TFIP11: variants seen among roughly 807,000 people sequenced by gnomAD.
TFIP11 encodes the protein tuftelin interacting protein 11, also known as tuftelin-interacting protein 11.
Under a neutral mutation model 96.8 loss-of-function variants are expected in TFIP11, and 86 were observed. The observed-to-expected ratio is 0.89, with a 90% CI of 0.75 to 1.06. TFIP11 has a LOEUF of 1.06. TFIP11 is among the 50% of genes least tolerant of loss of function. The pLI, the probability that TFIP11 is intolerant of heterozygous loss-of-function variation, is 0.00. For missense variants in TFIP11, 881 were observed against 1,076.7 expected (o/e 0.82, Z 2.54); for synonymous variants, 405 against 395.2 (o/e 1.02, Z -0.29).
At chr22:26,495,369 C>T (rs1367972133) in intron 12 of TFIP11, among the ~76,000 whole-genome samples, 5 of 136,288 alleles carry the variant, frequency 3.7e-5, no homozygotes, top group South Asian at 2.4e-4. Context: ...CCTCTGCCTC[C>T]GAGGTTCAAG....
intron 8 of TFIP11, among the ~76,000 whole-genome samples, chr22:26,500,451 G>A (rs1233008124): frequency 1.3e-5 from 2 of 152,184 alleles, no homozygotes; most frequent in Admixed American, 1.3e-4. Context: ...TTACAGGCAT[G>A]AGCCACTGCG....
At chr22:26,503,135 A>C (rs1922989855) in intron 7 of TFIP11, among the ~76,000 whole-genome samples, 1 of 152,166 alleles carries the variant, frequency 6.6e-6, no homozygotes, top group Admixed American at 6.5e-5. Context: ...TCCCTGCTGC[A>C]CTTGGGATGA....
chr22:26,509,593 C>G (rs1053717914), intron 4 of TFIP11, among the ~76,000 whole-genome samples: 1 of 152,176 alleles, frequency 6.6e-6, no homozygotes, highest in Non-Finnish European at 1.5e-5. Flanking sequence ...TGGTGGCTCA[C>G]GCCTGTAATC....
In TFIP11 at chr22:26,499,173, A is replaced by G. The variant is rs1012495895; in HGVS notation, c.1260T>C (p.Arg420=). The change falls in exon 9 of 15, where the codon CGT becomes CGC. Residue 420 remains arginine (R), a synonymous_variant. Coordinates refer to ENST00000407690, the MANE Select transcript of TFIP11 (RefSeq NM_012143.4). ...AGACGATGGCCACAGCAAGGTCCACACGGTCGGACATCCTGTACTCCTCAT... is the reference window on the plus strand; with the variant it reads ...AGACGATGGCCACAGCAAGGTCCACGCGGTCGGACATCCTGTACTCCTCAT... ...KYYEEYRMSD[R]VDLAVAIVYP... 6 of 1,609,236 alleles carry G rather than the reference A, an allele frequency of 3.7e-6. No individual in the cohort carries two copies. In the African/African-American group the frequency reaches 8.0e-5, roughly 21 times the overall value.
At chr22:26,500,429 A>G (rs1175101206) in intron 8 of TFIP11, among the ~76,000 whole-genome samples, 1 of 152,214 alleles carries the variant, frequency 6.6e-6, no homozygotes, top group Non-Finnish European at 1.5e-5. Flanking sequence ...TCAGCCTCCC[A>G]AAATGCTGGG....
In TFIP11 at chr22:26,496,240, G is replaced by C. The variant is rs1475631387; in HGVS notation, c.1682C>G (p.Ala561Gly). The C allele has an allele frequency of 6.2e-7, 1 of 1,613,962 alleles. No homozygotes were observed. The highest frequency in any genetic ancestry group is 1.7e-5 in the Admixed American group (1 of 60,014). The change falls in exon 12 of 15, where the codon GCA becomes GGA. Residue 561 changes from alanine to glycine, a missense_variant. Transcript: ENST00000407690. ...GGGGGAATAGAGTGGCTCCAGCCGTGCCTGCATAAGGGGCAGCCATGGGTG... is the reference window on the plus strand; with the variant it reads ...GGGGGAATAGAGTGGCTCCAGCCGTCCCTGCATAAGGGGCAGCCATGGGTG... ...WIHPWLPLMQ[A>G]RLEPLYSPIR...
intron 8 of TFIP11, among the ~76,000 whole-genome samples, chr22:26,500,251 G>T (rs2147133824): frequency 6.6e-6 from 1 of 152,224 alleles, no homozygotes; most frequent in East Asian, 1.9e-4. Context: ...CTCACTGCAA[G>T]CTCCGCCTCC....
Position 26,499,539 on chromosome 22 carries a change from T to C in TFIP11, c.894A>G (p.Leu298=), listed in dbSNP as rs2147132502. The C allele has an allele frequency of 4.3e-6, 7 of 1,614,218 alleles. No homozygotes were observed. Among genetic ancestry groups the C allele is most frequent in the Non-Finnish European group, 5.9e-6 (7 of 1,180,040 alleles). The stretch of plus-strand genomic sequence containing the variant: ...CAGACTGTGGCAGCTGTTGGGACTG[T>C]AGCGGCAGCCCATCATCGGGAACGT... ...KHNVPDDGLP[L]QSQQLPQSGK... Residue 298 remains leucine, a synonymous_variant, in exon 9 of 15, where the codon CTA becomes CTG. Coordinates refer to ENST00000407690, the MANE Select transcript of TFIP11 (RefSeq NM_012143.4).
chr22:26,496,593 G>C, intron 11 of TFIP11, 128 bp downstream of exon 11: 1 of 1,242,356 alleles, frequency 8.0e-7, no homozygotes, highest in South Asian at 1.5e-5. Context: ...TAACACTATA[G>C]GTCAATAGTT....
intron 4 of TFIP11, among the ~76,000 whole-genome samples, chr22:26,508,188 G>A (rs1923651495): frequency 6.6e-6 from 1 of 152,106 alleles, no homozygotes; most frequent in South Asian, 2.1e-4. Context: ...ACACCCTCAG[G>A]GCAACAACAG....
In TFIP11 at chr22:26,505,487, G is replaced by T. The variant is rs1923285126; in HGVS notation, c.520+816C>A. On this transcript the variant is annotated intron_variant, in intron 6 of 14. Transcript: ENST00000407690. ...GTGAGTAGGGATGGCAAACTCAAATGACTCTGGGACCAAGAAAAGTTCCTG... is the reference window on the plus strand; with the variant it reads ...GTGAGTAGGGATGGCAAACTCAAATTACTCTGGGACCAAGAAAAGTTCCTG... 2.0e-5 allele frequency among the ~76,000 whole-genome samples: 3 copies of T among 152,146 alleles called. No homozygotes were observed. The South Asian group carries it at 6.2e-4, about 32-fold the overall frequency.
chr22:26,494,197 G>A lies in TFIP11; in HGVS notation c.2100C>T (p.Val700=). The stretch of plus-strand genomic sequence containing the variant: ...CAAGTGCCTCATTAAATTTGTCCTT[G>A]ACAGATGGATGTGCCAGCACTTGGT... ...FSDQVLAHPS[V]KDKFNEALDI... is the part of the protein sequence containing the mutation. The change falls in exon 14 of 15, where the codon GTC becomes GTT. Residue 700 remains valine, a synonymous_variant. Transcript: ENST00000407690. 6.2e-7 allele frequency: 1 copy of A among 1,614,204 alleles called. No individual in the cohort carries two copies. The highest frequency in any genetic ancestry group is 8.5e-7 in the Non-Finnish European group (1 of 1,180,044).
rs758506991 is a variant in TFIP11 at position 26,492,272 on chromosome 22, C to G, written c.2255G>C (p.Arg752Pro). 2.5e-6 allele frequency: 4 copies of G among 1,614,214 alleles called. No individual in the cohort carries two copies. The highest frequency in any genetic ancestry group is 8.5e-7 in the Non-Finnish European group (1 of 1,180,042). ...DFQYEAMQER[R>P]EAENMAQRGI... is the part of the protein sequence containing the mutation. Reference sequence around the variant, plus strand: ...CCTCTGAGCCATGTTCTCAGCCTCCCGCCTCTCCTGCATGGCCTCGTACTG... The same window carrying G: ...CCTCTGAGCCATGTTCTCAGCCTCCGGCCTCTCCTGCATGGCCTCGTACTG... The change falls in exon 15 of 15, where the codon CGG becomes CCG. Residue 752 changes from arginine (R) to proline (P), a missense_variant. By Grantham distance (103) the Arg-to-Pro change is moderately radical. Transcript: ENST00000407690.
intron 9 of TFIP11, 40 bp downstream of exon 9, chr22:26,499,064 A>G (rs767590541): frequency 6.2e-7 from 1 of 1,602,280 alleles, no homozygotes; most frequent in Non-Finnish European, 8.5e-7. Flanking sequence ...GGTAAGCCCA[A>G]CCGAGAGGCA....
Position 26,492,329 on chromosome 22 carries a change from T to C in TFIP11, c.2198A>G (p.Tyr733Cys), listed in dbSNP as rs1921312064. ...CTTCCTCCGCTCCGTGTGGGTGAGA[T>C]AGGCAATGTTCTCCCGTGCTCCTGG... The part of the protein sequence containing the change: ...MQPGARENIA[Y>C]LTHTERRKDF... Residue 733 changes from tyrosine to cysteine, a missense_variant, in exon 15 of 15, where the codon TAT becomes TGT. By Grantham distance (194) the Tyr-to-Cys change is radical (BLOSUM62 -2). Transcript: ENST00000407690. 4 of 1,614,026 alleles carry C rather than the reference T, an allele frequency of 2.5e-6. No homozygotes were observed. The highest frequency in any genetic ancestry group is 2.2e-5 in the East Asian group (1 of 44,886).
chr22:26,501,936 C>A lies in TFIP11; in HGVS notation c.765G>T (p.Lys255Asn). The change falls in exon 8 of 15, where the codon AAG becomes AAT. Residue 255 changes from lysine to asparagine, a missense_variant. Coordinates refer to ENST00000407690, the MANE Select transcript of TFIP11 (RefSeq NM_012143.4). Reference protein sequence around the residue: ...ELKAKGRISKKLTAPQKELSQ... With the variant: ...ELKAKGRISKNLTAPQKELSQ... ...AAAGTTCCTTCTGGGGAGCAGTGAG[C>A]TTCTTGCTAATCCTGCCCTTGGCCT... 6.2e-7 allele frequency: 1 copy of A among 1,613,822 alleles called. No individual in the cohort carries two copies. Among genetic ancestry groups the A allele is most frequent in the Non-Finnish European group, 8.5e-7 (1 of 1,179,950 alleles).
At chr22:26,493,881 G>C (rs1002929798) in intron 14 of TFIP11, 2 of 457,672 alleles carry the variant, frequency 4.4e-6, no homozygotes. Context: ...CCTGGGGTTA[G>C]ACTGACATCA....
chr22:26,499,750 G>A, intron 8 of TFIP11, 119 bp from the exon 9 acceptor site: 2 of 1,067,674 alleles, frequency 1.9e-6, no homozygotes, highest in Non-Finnish European at 1.3e-6. Flanking sequence ...ATTCAACAGA[G>A]CTGGAGAAGG....
At chr22:26,501,830 A>G (rs2147137155) in intron 8 of TFIP11, 70 bp downstream of exon 8, 9 of 1,311,790 alleles carry the variant, frequency 6.9e-6, no homozygotes, top group Non-Finnish European at 9.3e-6. Flanking sequence ...GATCCAAAAA[A>G]CCCTCGAACA....
Sources: allele counts gnomAD v4.1 joint callset (sites outside exome capture counted in the v4.1 genomes callset), GRCh38; gene constraint gnomAD v4.1.1; transcripts MANE v1.5; gene names NCBI Gene and HGNC (gene_info 2026-07-23, HGNC 2026-07-21).